The following BZW2 variants were observed in gnomAD, a reference collection of about 807,000 sequenced individuals.
BZW2 encodes the protein basic leucine zipper and W2 domains 2.
Under a neutral mutation model 53.2 loss-of-function variants are expected in BZW2, and 23 were observed. The observed-to-expected ratio is 0.43, with a 90% CI of 0.31 to 0.61. The LOEUF (loss-of-function observed/expected upper bound fraction) is 0.61, where lower values mean the gene tolerates loss of function less well. Among genes scored for constraint, BZW2 ranks in the 20% least tolerant of loss-of-function variants. BZW2 has a pLI of 0.09. For missense variants in BZW2, 409 were observed against 503.1 expected (o/e 0.81, Z 1.79); for synonymous variants, 227 against 186.4 (o/e 1.22, Z -1.77).
intron 10 of BZW2, among the ~76,000 whole-genome samples, chr7:16,699,144 T>G (rs1266039465): frequency 2.0e-5 from 3 of 152,202 alleles, no homozygotes; most frequent in Non-Finnish European, 4.4e-5. Flanking sequence ...TGGGTGATAT[T>G]TTACTTTTTC....
chr7:16,692,311 G>C (rs937619215), intron 7 of BZW2, among the ~76,000 whole-genome samples: 2 of 152,176 alleles, frequency 1.3e-5, no homozygotes, highest in Non-Finnish European at 2.9e-5. Flanking sequence ...TATTCAATAA[G>C]TATGTATCGA....
intron 3 of BZW2, among the ~76,000 whole-genome samples, chr7:16,680,840 T>G (rs1300167308): frequency 6.6e-6 from 1 of 152,000 alleles, no homozygotes; most frequent in Non-Finnish European, 1.5e-5. Flanking sequence ...GTGCAGTGGC[T>G]CACACCTGTA....
intron 2 of BZW2, among the ~76,000 whole-genome samples, chr7:16,674,197 G>A (rs1018130341): frequency 6.6e-6 from 1 of 152,168 alleles, no homozygotes; most frequent in Non-Finnish European, 1.5e-5. Flanking sequence ...ACCGCGCCCG[G>A]CCTACAGTAA....
intron 4 of BZW2, among the ~76,000 whole-genome samples, chr7:16,681,699 G>T (rs756656421): frequency 9.2e-5 from 14 of 152,100 alleles, no homozygotes; most frequent in Non-Finnish European, 7.4e-5. Flanking sequence ...GGGTGTGGTG[G>T]TGGGTGCCTG....
At position 16,665,507 on chromosome 7, in the gene BZW2, TTGTGTGTGTG is replaced by T. The variant is rs71848458; in HGVS notation, c.58+20_58+29del. On this transcript the variant is annotated splice_region_variant and intron_variant, in intron 2 of 11. Transcript: ENST00000258761. ...GTTCAAAACTCGGAAAAGGGGTAGG[TTGTGTGTGTG>T]TGTGTGTGTGTGTTTAAAGTTGTAA... The T allele has an allele frequency of 5.8e-6, 9 of 1,548,330 alleles. No homozygotes were observed. Among genetic ancestry groups the T allele is most frequent in the African/African-American group, 1.4e-5 (1 of 73,084 alleles).
At chr7:16,680,245 A>C (rs1270933057) in intron 3 of BZW2, among the ~76,000 whole-genome samples, 3 of 152,204 alleles carry the variant, frequency 2.0e-5, no homozygotes, top group Non-Finnish European at 4.4e-5. Flanking sequence ...TACTTGCAAA[A>C]TGTTAGCAAG....
intron 10 of BZW2, among the ~76,000 whole-genome samples, chr7:16,699,273 C>A (rs1000870032): frequency 6.6e-6 from 1 of 152,176 alleles, no homozygotes; most frequent in Non-Finnish European, 1.5e-5. Flanking sequence ...GTTGGGTCTT[C>A]TTGGATTTAG....
At chr7:16,696,627 A>G (rs1035814127) in intron 8 of BZW2, among the ~76,000 whole-genome samples, 3 of 152,206 alleles carry the variant, frequency 2.0e-5, no homozygotes, top group Non-Finnish European at 2.9e-5. Context: ...ACTAGACTCA[A>G]AGGGGTTTCT....
At position 16,694,890 on chromosome 7, in the gene BZW2, C is replaced by T. The variant is rs148353036; in HGVS notation, c.708C>T (p.Asp236=). 3.8e-4 allele frequency: 601 copies of T among 1,586,200 alleles called. 5 individuals carry two copies. In the African/African-American group the frequency reaches 6.7e-3, roughly 18 times the overall value. The part of the protein sequence containing the change: ...SVDHFAKYFT[D]AGLKELSDFL... ...ATCATTTTGCTAAATACTTCACTGA[C>T]GCAGGTCTTAAGGAGCTTTCCGACT... Residue 236 remains aspartate, a synonymous_variant, in exon 8 of 12, where the codon GAC becomes GAT. Coordinates refer to ENST00000258761, the MANE Select transcript of BZW2 (RefSeq NM_014038.3).
At chr7:16,694,262 T>A (rs1783410808) in intron 7 of BZW2, among the ~76,000 whole-genome samples, 1 of 152,214 alleles carries the variant, frequency 6.6e-6, no homozygotes, top group Non-Finnish European at 1.5e-5. Context: ...TTAGACCTTT[T>A]CTATTACTTA....
intron 1 of BZW2, among the ~76,000 whole-genome samples, chr7:16,659,689 G>A (rs898870872): frequency 1.4e-4 from 21 of 152,010 alleles, no homozygotes; most frequent in African/African-American, 4.8e-4. Context: ...AGAATAAAAG[G>A]TAATTCTTGA....
At chr7:16,660,248 A>G (rs1460785881) in intron 1 of BZW2, among the ~76,000 whole-genome samples, 2 of 151,910 alleles carry the variant, frequency 1.3e-5, no homozygotes, top group African/African-American at 4.8e-5. Flanking sequence ...CCCTGTCTCT[A>G]TCAAAATATA....
rs1183305580 is a variant in BZW2, at chr7:16,700,829, G to A, written c.1108+2643G>A. 11 of 152,236 alleles carry A rather than the reference G, an allele frequency of 7.2e-5. No homozygotes were observed. The East Asian group carries it at 2.1e-3, about 29-fold the overall frequency. The allele number at this position is 152,236 out of a possible 1,614,324, so 9.4% of individuals were successfully genotyped here. A position where few individuals can be genotyped will look rare whatever the true frequency, so the allele number is the denominator to read the frequency against. ...ATTCCTTTTGTTTGTCATAAGGAAC[G>A]TAGTGCTCTAAAACAAGTTTTTAAA... is the stretch of plus-strand genomic sequence containing the variant. On this transcript the variant is annotated intron_variant, in intron 10 of 11. Transcript: ENST00000258761.
At chr7:16,659,465 T>G (rs1234347248) in intron 1 of BZW2, among the ~76,000 whole-genome samples, 1 of 152,190 alleles carries the variant, frequency 6.6e-6, no homozygotes, top group Non-Finnish European at 1.5e-5. Context: ...ATTTAAACTT[T>G]TAGAACCAAC....
At chr7:16,666,764 G>A (rs1583711236) in intron 2 of BZW2, among the ~76,000 whole-genome samples, 1 of 152,016 alleles carries the variant, frequency 6.6e-6, no homozygotes, top group Admixed American at 6.6e-5. Context: ...AACCTCCTGG[G>A]CTCCAGTGCT....
chr7:16,691,679 G>T (rs1448262788), intron 7 of BZW2, among the ~76,000 whole-genome samples: 1 of 152,176 alleles, frequency 6.6e-6, no homozygotes, highest in African/African-American at 2.4e-5. Context: ...AGCAAGGAGG[G>T]GGTTCTCTTA....
In BZW2 at chr7:16,685,895, T is replaced by TTTTTTC; in HGVS notation, c.406-10_406-9insTTTTTC. On this transcript the variant is annotated splice_polypyrimidine_tract_variant and intron_variant, in intron 5 of 11. Transcript: ENST00000258761. ...CTTTTTCTTTTTTTTTTTTTTTTTT[T>TTTTTTC]GACCCACAGCTTCTCCTCTTCCTTA... 1 of 1,353,442 alleles carries TTTTTTC rather than the reference T, an allele frequency of 7.4e-7. No individual in the cohort carries two copies. Among genetic ancestry groups the TTTTTTC allele is most frequent in the South Asian group, 1.6e-5 (1 of 61,398 alleles). The allele number at this position is 1,353,442 out of a possible 1,614,324, so 83.8% of individuals were successfully genotyped here.
chr7:16,686,495 G>A (rs970396685), intron 6 of BZW2: 1 of 161,942 alleles, frequency 6.2e-6, no homozygotes, highest in South Asian at 1.6e-4. Context: ...CTCAGTTTTA[G>A]AAAACAATTT....
chr7:16,677,025 C>T (rs1583723966), intron 3 of BZW2, among the ~76,000 whole-genome samples: 1 of 150,980 alleles, frequency 6.6e-6, no homozygotes, highest in South Asian at 2.1e-4. Context: ...CCATGATCAG[C>T]AGATTTATCT....
Sources: gnomAD v4.1 joint callset for allele counts (sites outside exome capture counted in the v4.1 genomes callset) on GRCh38, gnomAD v4.1.1 for gene constraint, MANE v1.5 for transcripts, NCBI Gene and HGNC (gene_info 2026-07-23, HGNC 2026-07-21) for gene names.